The following STK17B variants were observed in gnomAD, a reference collection of about 807,000 sequenced individuals.
The protein encoded by STK17B is serine/threonine kinase 17b.
A neutral mutation model predicts 42.0 loss-of-function variants in STK17B; 21 were observed. That is an observed-to-expected ratio of 0.50 (90% confidence interval 0.35 to 0.72). The LOEUF is 0.72. Among genes scored for constraint, STK17B ranks in the 30% least tolerant of loss-of-function variants. The pLI is 0.00. For missense variants in STK17B, 349 were observed against 446.0 expected (o/e 0.78, Z 1.96); for synonymous variants, 143 against 148.4 (o/e 0.96, Z 0.26).
rs1191589858 is a variant in STK17B, at chr2:196,136,657, T to A, written c.*790A>T. 6.6e-6 allele frequency: 1 copy of A among 152,216 alleles called. No homozygotes were observed. Among genetic ancestry groups the A allele is most frequent in the East Asian group, 1.9e-4 (1 of 5,204 alleles). The allele number at this position is 152,216 out of a possible 1,614,324, so 9.4% of individuals were successfully genotyped here. A position where few individuals can be genotyped will look rare whatever the true frequency, so the allele number is the denominator to read the frequency against. On this transcript the variant is annotated 3_prime_UTR_variant, in exon 8 of 8. Transcript: ENST00000263955. ...CAGAATATTTAACTATACCTAAGTA[T>A]CTTCTACTCTAGAAATTCTGGAGGA...
At chr2:196,148,060 T>G (rs142372560) in intron 3 of STK17B, among the ~76,000 whole-genome samples, 3 of 152,040 alleles carry the variant, frequency 2.0e-5, no homozygotes, top group Non-Finnish European at 4.4e-5. Context: ...CCTCAACATA[T>G]CATGATAAAG....
Position 196,137,799 on chromosome 2 carries a change from A to T in STK17B, c.837-70T>A, listed in dbSNP as rs1323939551. 6.7e-6 allele frequency: 10 copies of T among 1,492,568 alleles called. No homozygotes were observed. In the East Asian group the frequency reaches 2.1e-4, roughly 31 times the overall value. 92.5% of individuals were successfully genotyped at this position (1,492,568 alleles called of 1,614,324 possible). On this transcript the variant is annotated intron_variant, in intron 7 of 7. Transcript: ENST00000263955. The stretch of plus-strand genomic sequence containing the variant: ...GTTGAAAATGTCTTCAGTTTGATAG[A>T]TTATAGACATATTTTTTACTTCTTG...
rs1005905977 is a variant in STK17B, at chr2:196,144,163, C to T, written c.481-477G>A. Among the ~76,000 whole-genome samples the T allele has an allele frequency of 2.7e-5, 4 of 147,510 alleles. No homozygotes were observed. The South Asian group carries it at 8.7e-4, about 32-fold the overall frequency. On this transcript the variant is annotated intron_variant, in intron 4 of 7. Coordinates refer to ENST00000263955, the MANE Select transcript of STK17B (RefSeq NM_004226.4). ...GAGTAGCCTGTGCAACATAGTGAGA[C>T]CCTCTCTTAAATAAAAAAAAAATTA...
At chr2:196,154,193 C>T (rs1291922215) in intron 3 of STK17B, 1 of 152,024 alleles carries the variant, frequency 6.6e-6, no homozygotes, top group African/African-American at 2.4e-5. Flanking sequence ...GAGATCGCGC[C>T]ACTGCACTCG....
intron 3 of STK17B, among the ~76,000 whole-genome samples, chr2:196,155,901 C>T (rs577891538): frequency 6.8e-4 from 104 of 152,278 alleles, no homozygotes; most frequent in African/African-American, 2.3e-3. Flanking sequence ...ATTGCTACAA[C>T]TAACATAGTG....
intron 3 of STK17B, among the ~76,000 whole-genome samples, chr2:196,152,268 G>A (rs746806102): frequency 2.4e-4 from 36 of 152,208 alleles, no homozygotes; most frequent in Non-Finnish European, 5.0e-4. Flanking sequence ...CAACACGCCC[G>A]GCTAATTTTT....
Position 196,137,610 on chromosome 2 carries a change from C to G in STK17B, c.956G>C (p.Arg319Thr), listed in dbSNP as rs767114137. 57 of 1,613,938 alleles carry G rather than the reference C, an allele frequency of 3.5e-5. No homozygotes were observed. The East Asian group carries it at 1.3e-3, about 36-fold the overall frequency. Residue 319 changes from arginine to threonine, a missense_variant, in exon 8 of 8, where the codon AGG becomes ACG. Around this residue, in one of 3 missense-constraint regions of STK17B, gnomAD observed 87 missense variants for 78.8 expected, o/e 1.10. Transcript: ENST00000263955. ...SSSQTQDHSV[R>T]SSEDKTSKSS... ...TTTAGAAGTCTTGTCTTCAGAGGAC[C>G]TTACAGAATGATCCTGAGTTTGAGA...
chr2:196,152,398 C>T (rs2105696193), intron 3 of STK17B, among the ~76,000 whole-genome samples: 1 of 152,226 alleles, frequency 6.6e-6, no homozygotes, highest in South Asian at 2.1e-4. Flanking sequence ...TGAGCCACCA[C>T]CCCCGGCCAA....
upstream of STK17B, among the ~76,000 whole-genome samples, chr2:196,175,737 T>A (rs955042625): frequency 6.6e-6 from 1 of 152,164 alleles, no homozygotes; most frequent in African/African-American, 2.4e-5. Flanking sequence ...ACATCCCAAG[T>A]GTTTCATGGC....
chr2:196,174,771 A>C (rs1699983287), upstream of STK17B, among the ~76,000 whole-genome samples: 1 of 152,242 alleles, frequency 6.6e-6, no homozygotes, highest in Non-Finnish European at 1.5e-5. Context: ...TTTTGAAAGC[A>C]CTGAGAACCA....
intron 2 of STK17B, among the ~76,000 whole-genome samples, chr2:196,157,792 C>T (rs753831116): frequency 3.9e-5 from 6 of 152,274 alleles, no homozygotes; most frequent in South Asian, 2.1e-4. Flanking sequence ...TATTGGCATA[C>T]GTGTTACTGT....
At chr2:196,152,075 A>G (rs1249194517) in intron 3 of STK17B, among the ~76,000 whole-genome samples, 2 of 151,872 alleles carry the variant, frequency 1.3e-5, no homozygotes, top group African/African-American at 4.8e-5. Context: ...ATTGATTCAT[A>G]TAATTAGCAA....
intron 4 of STK17B, among the ~76,000 whole-genome samples, chr2:196,144,230 C>T (rs1311667111): frequency 1.3e-5 from 2 of 151,296 alleles, no homozygotes; most frequent in African/African-American, 4.9e-5. Context: ...GTGGCTCACG[C>T]CTGTAATCCC....
chr2:196,137,391 C>T lies in STK17B; in HGVS notation c.*56G>A, dbSNP rs1353171412. 3.2e-6 allele frequency: 5 copies of T among 1,539,192 alleles called. No homozygotes were observed. Among genetic ancestry groups the T allele is most frequent in the Non-Finnish European group, 4.4e-6 (5 of 1,133,642 alleles). Reference sequence around the variant, plus strand: ...TATATGAAGCTACAAATCATAATCTCACTGGAGTGGATATAAAATTTCAAA... The same window carrying T: ...TATATGAAGCTACAAATCATAATCTTACTGGAGTGGATATAAAATTTCAAA... On this transcript the variant is annotated 3_prime_UTR_variant, in exon 8 of 8. Coordinates refer to ENST00000263955, the MANE Select transcript of STK17B (RefSeq NM_004226.4).
intron 1 of STK17B, among the ~76,000 whole-genome samples, chr2:196,164,452 C>G (rs1348719975): frequency 6.6e-6 from 1 of 152,098 alleles, no homozygotes; most frequent in Non-Finnish European, 1.5e-5. Context: ...TCAGTGTTAT[C>G]AAAACTATTA....
upstream of STK17B, among the ~76,000 whole-genome samples, chr2:196,173,835 G>A (rs903982393): frequency 6.6e-5 from 10 of 152,094 alleles, no homozygotes; most frequent in Non-Finnish European, 1.3e-4. Context: ...CAGTTCATAC[G>A]TTGAAATTCT....
At chr2:196,138,571 G>A (rs551329450) in intron 7 of STK17B, among the ~76,000 whole-genome samples, 1 of 148,976 alleles carries the variant, frequency 6.7e-6, no homozygotes, top group South Asian at 2.1e-4. Context: ...ATCACTTTTG[G>A]TTTTTTTTTG....
chr2:196,147,419 C>T (rs1014300291), intron 3 of STK17B, among the ~76,000 whole-genome samples: 1 of 151,622 alleles, frequency 6.6e-6, no homozygotes, highest in East Asian at 1.9e-4. Context: ...TCAGTGACTG[C>T]CAAGAGGAAA....
chr2:196,173,525 C>T (rs530067761), upstream of STK17B, among the ~76,000 whole-genome samples: 37 of 152,328 alleles, frequency 2.4e-4, no homozygotes, highest in African/African-American at 8.4e-4. Flanking sequence ...GTCTCAGGCA[C>T]TGTGGTTCAA....
Sources: gnomAD v4.1 joint callset for allele counts (sites outside exome capture counted in the v4.1 genomes callset) on GRCh38, gnomAD v4.1.1 for gene constraint, gnomAD v4.1.1 regional missense constraint, MANE v1.5 for transcripts, NCBI Gene and HGNC (gene_info 2026-07-23, HGNC 2026-07-21) for gene names.